The following OR52K1 variants were observed in gnomAD, a reference collection of about 807,000 sequenced individuals.
OR52K1 encodes the protein olfactory receptor family 52 subfamily K member 1, also known as olfactory receptor 52K1.
OR52K1 carries 10 observed loss-of-function variants against 8.7 expected under a neutral mutation model. That is an observed-to-expected ratio of 1.15 (90% CI 0.71 to 1.95). OR52K1 has a LOEUF of 1.95. Ranked by LOEUF, OR52K1 falls within the 30% of genes most tolerant of loss-of-function variation. OR52K1 has a pLI of 0.00. For synonymous variants in OR52K1, 203 were observed against 148.5 expected (o/e 1.37, Z -2.67); for missense variants, 431 against 397.2 (o/e 1.08, Z -0.72).
intron 1 of OR52K1, among the ~76,000 whole-genome samples, chr11:4,484,297 G>C (rs137914668): frequency 2.0e-5 from 3 of 152,320 alleles, no homozygotes; most frequent in Admixed American, 2.0e-4. Context: ...AGTAGTTGCT[G>C]GGAGATGCTG....
At chr11:4,488,141 ATGGCTGTATT>A (rs1469218259) in intron 1 of OR52K1, among the ~76,000 whole-genome samples, 2 of 152,232 alleles carry the variant, frequency 1.3e-5, no homozygotes, top group South Asian at 2.1e-4. Context: ...TGCTTGCAGC[ATGGCTGTATT>A]TACAGAGACC....
Position 4,490,044 on chromosome 11 carries a change from G to A in OR52K1, c.*199G>A. 1 of 579,236 alleles carries A rather than the reference G, an allele frequency of 1.7e-6. No homozygotes were observed. The highest frequency in any genetic ancestry group is 3.1e-6 in the Non-Finnish European group (1 of 326,084). 35.9% of individuals were successfully genotyped at this position (579,236 alleles called of 1,614,324 possible). A position where few individuals can be genotyped will look rare whatever the true frequency, so the allele number is the denominator to read the frequency against. ...GCACCTATAGTCTGGTCTGATAGTA[G>A]AGGTTTGACCTTCCCATTGTCATAG... On this transcript the variant is annotated 3_prime_UTR_variant, in exon 2 of 2. Coordinates refer to ENST00000641528, the MANE Select transcript of OR52K1 (RefSeq NM_001005171.3).
Position 4,489,106 on chromosome 11 carries a change from C to T in OR52K1, c.206C>T (p.Ala69Val), listed in dbSNP as rs145753082. ...ATGTACCTCTTTCTGGCCATGTTGG[C>T]AACCATTGACTTGGTTCTTTCTTCT... ...EPMYLFLAML[A>V]TIDLVLSSTT... The change falls in exon 2 of 2, where the codon GCA becomes GTA. Residue 69 changes from alanine to valine, a missense_variant. Coordinates refer to ENST00000641528, the MANE Select transcript of OR52K1 (RefSeq NM_001005171.3). 3 of 1,614,232 alleles carry T rather than the reference C, an allele frequency of 1.9e-6. No individual in the cohort carries two copies. Among genetic ancestry groups the T allele is most frequent in the Admixed American group, 3.3e-5 (2 of 60,026 alleles).
Position 4,489,958 on chromosome 11 carries a change from TATG to T in OR52K1, c.*116_*118del, listed in dbSNP as rs1302602929. On this transcript the variant is annotated 3_prime_UTR_variant, in exon 2 of 2. Coordinates refer to ENST00000641528, the MANE Select transcript of OR52K1 (RefSeq NM_001005171.3). ...CAGAGTATCTTTGACAATTCTCTAG[TATG>T]ATAAGGAAAATGAGGTTTCATTCCT... The T allele has an allele frequency of 6.6e-6, 5 of 762,292 alleles. No individual in the cohort carries two copies. In the South Asian group the frequency reaches 7.0e-5, roughly 11 times the overall value. The allele number at this position is 762,292 out of a possible 1,614,324, so 47.2% of individuals were successfully genotyped here. A position where few individuals can be genotyped will look rare whatever the true frequency, so the allele number is the denominator to read the frequency against.
intron 1 of OR52K1, among the ~76,000 whole-genome samples, chr11:4,485,301 C>A (rs1386059978): frequency 6.6e-6 from 1 of 152,166 alleles, no homozygotes; most frequent in Non-Finnish European, 1.5e-5. Context: ...CTCTAGTTCT[C>A]TTTTCTGTGA....
chr11:4,488,979 G>A lies in OR52K1; in HGVS notation c.79G>A (p.Ala27Thr). 1 of 1,614,138 alleles carries A rather than the reference G, an allele frequency of 6.2e-7. No homozygotes were observed. Among genetic ancestry groups the A allele is most frequent in the Non-Finnish European group, 8.5e-7 (1 of 1,180,002 alleles). Residue 27 changes from alanine to threonine, a missense_variant, in exon 2 of 2, where the codon GCC becomes ACC. Ala to Thr is a moderately conservative substitution (Grantham distance 58). Coordinates refer to ENST00000641528, the MANE Select transcript of OR52K1 (RefSeq NM_001005171.3). ...VGIPGLEHLH[A>T]WISIPFCFAY... Reference sequence around the variant, plus strand: ...AATTCCTGGTTTGGAACACCTGCATGCCTGGATCTCCATCCCCTTCTGCTT... The same window carrying A: ...AATTCCTGGTTTGGAACACCTGCATACCTGGATCTCCATCCCCTTCTGCTT...
rs1018502453 is a variant in OR52K1 at position 4,491,355 on chromosome 11, C to T, written c.*1510C>T. On this transcript the variant is annotated 3_prime_UTR_variant, in exon 2 of 2. Coordinates refer to ENST00000641528, the MANE Select transcript of OR52K1 (RefSeq NM_001005171.3). ...TGGTAGGAGTGTAAATTATTTCACC[C>T]ATTATGGAAAGCAGTAGGTGATTCC... 6.6e-6 allele frequency: 1 copy of T among 152,146 alleles called. No individual in the cohort carries two copies. The highest frequency in any genetic ancestry group is 2.4e-5 in the African/African-American group (1 of 41,412). The allele number at this position is 152,146 out of a possible 1,614,324, so 9.4% of individuals were successfully genotyped here. A position where few individuals can be genotyped will look rare whatever the true frequency, so the allele number is the denominator to read the frequency against.
intron 1 of OR52K1, among the ~76,000 whole-genome samples, chr11:4,488,260 A>C (rs994511755): frequency 6.6e-6 from 1 of 152,276 alleles, no homozygotes; most frequent in African/African-American, 2.4e-5. Flanking sequence ...CACTAGTCAC[A>C]TGTGGCTATT....
At chr11:4,484,875 A>G (rs544306953) in intron 1 of OR52K1, among the ~76,000 whole-genome samples, 10 of 139,190 alleles carry the variant, frequency 7.2e-5, no homozygotes, top group Middle Eastern at 3.5e-3. Flanking sequence ...CACACAGTTG[A>G]CTTCGCTTTC....
Position 4,489,135 on chromosome 11 carries a change from A to T in OR52K1, c.235A>T (p.Thr79Ser), listed in dbSNP as rs568987040. 3 of 1,614,148 alleles carry T rather than the reference A, an allele frequency of 1.9e-6. No homozygotes were observed. Among genetic ancestry groups the T allele is most frequent in the African/African-American group, 2.7e-5 (2 of 75,028 alleles). ...CATTGACTTGGTTCTTTCTTCTACA[A>T]CGCTGCCCAAAATGCTTGCCATATT... The part of the protein sequence containing the change: ...ATIDLVLSST[T>S]LPKMLAIFWF... Residue 79 changes from threonine (T) to serine (S), a missense_variant, in exon 2 of 2, where the codon ACG becomes TCG. Physicochemically the swap from Thr to Ser is moderately conservative, Grantham distance 58 (BLOSUM62 1). Transcript: ENST00000641528.
chr11:4,489,905 G>A lies in OR52K1; in HGVS notation c.*60G>A. The A allele has an allele frequency of 8.0e-7, 1 of 1,249,074 alleles. No individual in the cohort carries two copies. Among genetic ancestry groups the A allele is most frequent in the Non-Finnish European group, 1.1e-6 (1 of 895,502 alleles). 77.4% of individuals were successfully genotyped at this position (1,249,074 alleles called of 1,614,324 possible). Reference sequence around the variant, plus strand: ...GTAATGAGAATGCTGGATTGGGGTTGAGGGGAAAAATCTAAATAGGAAAAT... The same window carrying A: ...GTAATGAGAATGCTGGATTGGGGTTAAGGGGAAAAATCTAAATAGGAAAAT... On this transcript the variant is annotated 3_prime_UTR_variant, in exon 2 of 2. Coordinates refer to ENST00000641528, the MANE Select transcript of OR52K1 (RefSeq NM_001005171.3).
chr11:4,483,400 A>G (rs927337632), intron 1 of OR52K1, among the ~76,000 whole-genome samples: 15 of 152,332 alleles, frequency 9.8e-5, no homozygotes, highest in African/African-American at 3.6e-4. Context: ...TCCTTTGAGC[A>G]TGGACATCTT....
chr11:4,492,871 G>A lies in OR52K1; in HGVS notation c.*3026G>A, dbSNP rs1846390583. On this transcript the variant is annotated 3_prime_UTR_variant, in exon 2 of 2. Transcript: ENST00000641528. ...CCTGGGGGACCAGTACCACCAAGATGCAGAGACCGGTAGTGGCCCCGAATG... is the reference window on the plus strand; with the variant it reads ...CCTGGGGGACCAGTACCACCAAGATACAGAGACCGGTAGTGGCCCCGAATG... 5.1e-6 allele frequency: 1 copy of A among 195,422 alleles called. No homozygotes were observed. The highest frequency in any genetic ancestry group is 1.0e-5 in the Non-Finnish European group (1 of 99,842). The allele number at this position is 195,422 out of a possible 1,614,324, so 12.1% of individuals were successfully genotyped here.
chr11:4,483,215 G>A (rs1846294834), intron 1 of OR52K1, 39 bp downstream of exon 1: 1 of 398,582 alleles, frequency 2.5e-6, no homozygotes, highest in Non-Finnish European at 4.4e-6. Flanking sequence ...TCTACCAGAA[G>A]CAGTCCTGAA....
rs1286312156 is a variant in OR52K1 at position 4,491,080 on chromosome 11, C to T, written c.*1235C>T. On this transcript the variant is annotated 3_prime_UTR_variant, in exon 2 of 2. Coordinates refer to ENST00000641528, the MANE Select transcript of OR52K1 (RefSeq NM_001005171.3). The stretch of plus-strand genomic sequence containing the variant: ...CTCAGAATGTATCCCCATCATTAAG[C>T]AATGCATGACTAGTTAGACATGATT... The T allele has an allele frequency of 6.6e-6, 1 of 152,138 alleles. No individual in the cohort carries two copies. Among genetic ancestry groups the T allele is most frequent in the African/African-American group, 2.4e-5 (1 of 41,428 alleles). The allele number at this position is 152,138 out of a possible 1,614,324, so 9.4% of individuals were successfully genotyped here.
chr11:4,490,173 T>C lies in OR52K1; in HGVS notation c.*328T>C, dbSNP rs1239622739. On this transcript the variant is annotated 3_prime_UTR_variant, in exon 2 of 2. Transcript: ENST00000641528. ...GCTGAGATTGGCCCAAACAGCTGAG[T>C]CACCCAAACAGGTGACTTCTTTATC... 1.6e-5 allele frequency: 4 copies of C among 247,948 alleles called. No homozygotes were observed. The East Asian group carries it at 3.8e-4, about 24-fold the overall frequency. The allele number at this position is 247,948 out of a possible 1,614,324, so 15.4% of individuals were successfully genotyped here.
intron 1 of OR52K1, among the ~76,000 whole-genome samples, chr11:4,487,064 G>A (rs1277585900): frequency 6.6e-6 from 1 of 152,160 alleles, no homozygotes; most frequent in African/African-American, 2.4e-5. Context: ...GTCATTGATT[G>A]TCACAGTAAA....
At position 4,492,078 on chromosome 11, in the gene OR52K1, G is replaced by C. The variant is rs1367282411; in HGVS notation, c.*2233G>C. On this transcript the variant is annotated 3_prime_UTR_variant, in exon 2 of 2. Transcript: ENST00000641528. ...CTATACAGCCATCAAAAAGAAATAA[G>C]ATCACGTCCTTTGTGGGAACATGGA... 1 of 151,892 alleles carries C rather than the reference G, an allele frequency of 6.6e-6. No homozygotes were observed. Among genetic ancestry groups the C allele is most frequent in the Non-Finnish European group, 1.5e-5 (1 of 67,970 alleles). The allele number at this position is 151,892 out of a possible 1,614,324, so 9.4% of individuals were successfully genotyped here.
In OR52K1 at chr11:4,486,138, C is replaced by CCA. The variant is rs767084030; in HGVS notation, c.-328-2433_-328-2432dup. On this transcript the variant is annotated intron_variant, in intron 1 of 1. Transcript: ENST00000641528. ...TGATAGCACCTTACTCAGCTGTATCCCACCTCCCACAGTTTCTCTGCTTTA... is the reference window on the plus strand; with the variant it reads ...TGATAGCACCTTACTCAGCTGTATCCCACACCTCCCACAGTTTCTCTGCTTTA... Among the ~76,000 whole-genome samples the CCA allele has an allele frequency of 4.9e-4, 75 of 152,220 alleles. No individual in the cohort carries two copies. In the Middle Eastern group the frequency reaches 0.02, roughly 41 times the overall value.
Sources: allele counts gnomAD v4.1 joint callset (sites outside exome capture counted in the v4.1 genomes callset), GRCh38; gene constraint gnomAD v4.1.1; transcripts MANE v1.5; gene names NCBI Gene and HGNC (gene_info 2026-07-23, HGNC 2026-07-21).